Variants in TAFA1 observed in about 807,000 individuals in gnomAD.
The protein encoded by TAFA1 is TAFA chemokine like family member 1.
TAFA1 carries 4 observed loss-of-function variants against 18.5 expected under a neutral mutation model. That is an observed-to-expected ratio of 0.22 (90% CI 0.11 to 0.49). TAFA1 has a LOEUF of 0.49. Among genes scored for constraint, TAFA1 ranks in the 20% least tolerant of loss-of-function variants. The probability of loss-of-function intolerance (pLI) is 0.98; values close to 1 mark genes in which losing one functional copy is unlikely to be tolerated. For synonymous variants in TAFA1, 56 were observed against 55.2 expected (o/e 1.01, Z -0.06); for missense variants, 147 against 169.0 (o/e 0.87, Z 0.72).
intron 2 of TAFA1, among the ~76,000 whole-genome samples, chr3:68,036,287 A>C (rs1054100801): frequency 7.2e-5 from 11 of 151,998 alleles, no homozygotes; most frequent in Non-Finnish European, 1.6e-4. Context: ...AAAAATACAA[A>C]AATTAGCCAT....
chr3:68,458,796 T>A (rs1357892275), intron 3 of TAFA1, among the ~76,000 whole-genome samples: 1 of 152,066 alleles, frequency 6.6e-6, no homozygotes, highest in African/African-American at 2.4e-5. Context: ...CACTTTTTTT[T>A]TTTTTAAACT....
intron 2 of TAFA1, among the ~76,000 whole-genome samples, chr3:68,058,481 C>A (rs548714049): frequency 6.6e-6 from 1 of 152,270 alleles, no homozygotes; most frequent in South Asian, 2.1e-4. Context: ...TTTTCCCCTT[C>A]TCTCCCTTAC....
intron 3 of TAFA1, among the ~76,000 whole-genome samples, chr3:68,511,028 T>G (rs931009652): frequency 2.6e-5 from 4 of 152,200 alleles, no homozygotes; most frequent in African/African-American, 9.6e-5. Context: ...GTCAGATATC[T>G]ATTGTATTGA....
chr3:68,443,729 A>T (rs2071427488), intron 3 of TAFA1, among the ~76,000 whole-genome samples: 1 of 152,096 alleles, frequency 6.6e-6, no homozygotes, highest in South Asian at 2.1e-4. Context: ...TTCTCCCATG[A>T]TACATGGGAA....
chr3:68,345,549 G>A (rs958716072), intron 2 of TAFA1, among the ~76,000 whole-genome samples: 6 of 152,186 alleles, frequency 3.9e-5, no homozygotes, highest in Non-Finnish European at 7.3e-5. Context: ...TGAGAAATCA[G>A]CAATCCGTTG....
chr3:68,480,722 G>A (rs1000078939), intron 3 of TAFA1, among the ~76,000 whole-genome samples: 12 of 152,146 alleles, frequency 7.9e-5, no homozygotes, highest in African/African-American at 9.7e-5. Context: ...TAATGAAAGC[G>A]TAAGTACTAT....
At chr3:68,064,420 A>C (rs2064646138) in intron 2 of TAFA1, among the ~76,000 whole-genome samples, 2 of 152,216 alleles carry the variant, frequency 1.3e-5, no homozygotes, top group African/African-American at 4.8e-5. Flanking sequence ...TATTATTTAA[A>C]TGCAGTTTCT....
chr3:68,486,076 T>G (rs1456480368), intron 3 of TAFA1, among the ~76,000 whole-genome samples: 1 of 44,998 alleles, frequency 2.2e-5, no homozygotes, highest in Non-Finnish European at 4.1e-5. Flanking sequence ...TTTTTATTTT[T>G]ATTTTATTTT....
chr3:68,106,286 G>A (rs73834828), intron 2 of TAFA1, among the ~76,000 whole-genome samples: 4,412 of 152,152 alleles, frequency 0.029, 89 homozygotes, highest in East Asian at 0.1. Flanking sequence ...TTTTAGGAAA[G>A]TGCTATCCAA....
chr3:68,040,335 ACT>A (rs896513856), intron 2 of TAFA1, among the ~76,000 whole-genome samples: 2 of 151,452 alleles, frequency 1.3e-5, no homozygotes, highest in African/African-American at 4.9e-5. Context: ...TCACCTTAAC[ACT>A]CTCTGACTGT....
chr3:67,996,558 G>C, the TAFA1 span, among the ~76,000 whole-genome samples: 1 of 152,092 alleles, frequency 6.6e-6, no homozygotes. Context: ...CAGCACTTTG[G>C]GAAGCCAAGG....
At chr3:68,029,605 T>C (rs192910067) in intron 2 of TAFA1, among the ~76,000 whole-genome samples, 26 of 152,338 alleles carry the variant, frequency 1.7e-4, no homozygotes, top group Admixed American at 1.5e-3. Flanking sequence ...CCTTGTACAG[T>C]GGCCAGTGGC....
intron 3 of TAFA1, among the ~76,000 whole-genome samples, chr3:68,484,437 A>AATTAATTT (rs1472025196): frequency 6.6e-6 from 1 of 152,070 alleles, no homozygotes; most frequent in East Asian, 1.9e-4. Flanking sequence ...AGCAGAGAGG[A>AATTAATTT]ATTAATTTGG....
intron 2 of TAFA1, among the ~76,000 whole-genome samples, chr3:68,307,867 G>A (rs1382553359): frequency 2.0e-5 from 3 of 152,098 alleles, no homozygotes; most frequent in Admixed American, 2.0e-4. Context: ...CATAAGAAAT[G>A]GCTAATCAGT....
At chr3:68,136,870 A>G (rs1218543414) in intron 2 of TAFA1, among the ~76,000 whole-genome samples, 1 of 152,190 alleles carries the variant, frequency 6.6e-6, no homozygotes, top group Non-Finnish European at 1.5e-5. Context: ...AGTTGATACC[A>G]AGTTTTAGCC....
chr3:68,379,922 C>A (rs1031654217), intron 2 of TAFA1, among the ~76,000 whole-genome samples: 1 of 151,968 alleles, frequency 6.6e-6, no homozygotes, highest in Non-Finnish European at 1.5e-5. Flanking sequence ...CCCCTTCCCC[C>A]CACCCCACAA....
chr3:68,491,860 A>T (rs2072459668), intron 3 of TAFA1, among the ~76,000 whole-genome samples: 1 of 152,136 alleles, frequency 6.6e-6, no homozygotes, highest in South Asian at 2.1e-4. Context: ...TAGACCTACC[A>T]AATCAGAATC....
chr3:68,092,346 A>C (rs1575612196), intron 2 of TAFA1, among the ~76,000 whole-genome samples: 2 of 152,172 alleles, frequency 1.3e-5, no homozygotes, highest in East Asian at 3.9e-4. Flanking sequence ...CTCAGTCAAC[A>C]GTGACTTGTT....
chr3:68,427,544 C>T (rs144458748), intron 3 of TAFA1, among the ~76,000 whole-genome samples: 1,838 of 151,812 alleles, frequency 0.012, 19 homozygotes, highest in Middle Eastern at 0.024. Flanking sequence ...AACTTGTATC[C>T]CCTTCTGGGA....
Sources: gnomAD v4.1 joint callset for allele counts (sites outside exome capture counted in the v4.1 genomes callset) on GRCh38, gnomAD v4.1.1 for gene constraint, MANE v1.5 for transcripts, NCBI Gene and HGNC (gene_info 2026-07-23, HGNC 2026-07-21) for gene names.